DSG3: variants seen among roughly 807,000 people sequenced by gnomAD.
DSG3 encodes desmoglein 3.
DSG3 carries 63 observed loss-of-function variants against 85.9 expected under a neutral mutation model. The observed-to-expected ratio is 0.73, with a 90% confidence interval of 0.60 to 0.90. The LOEUF is 0.90. DSG3 is among the 40% of genes least tolerant of loss of function. DSG3 has a pLI of 0.00. For synonymous variants in DSG3, 447 were observed against 441.9 expected (o/e 1.01, Z -0.14); for missense variants, 1,220 against 1,219.9 (o/e 1.00, Z 0.00).
rs771845317 is a variant in DSG3, at chr18:31,466,577, G to T, written c.1459G>T (p.Asp487Tyr). Residue 487 changes from aspartate (D) to tyrosine (Y), a missense_variant, in exon 11 of 16, where the codon GAT becomes TAT. Coordinates refer to ENST00000257189, the MANE Select transcript of DSG3 (RefSeq NM_001944.3). ...AGGCACGGTATATGTTAGAGTACCC[G>T]ATTTCAATGACAATTGTCCAACAGC... ...STGTVYVRVPDFNDNCPTAVL... is the reference protein window; with the variant it reads ...STGTVYVRVPYFNDNCPTAVL... 1.2e-6 allele frequency: 2 copies of T among 1,614,078 alleles called. No homozygotes were observed. Among genetic ancestry groups the T allele is most frequent in the East Asian group, 4.5e-5 (2 of 44,894 alleles).
In DSG3 at chr18:31,472,393, G is replaced by A; in HGVS notation, c.2007G>A (p.Trp669Ter). 2 of 1,613,914 alleles carry A rather than the reference G, an allele frequency of 1.2e-6. No individual in the cohort carries two copies. The highest frequency in any genetic ancestry group is 8.5e-7 in the Non-Finnish European group (1 of 1,179,934). Residue 669 changes from tryptophan (W) to a stop codon, truncating the protein, a stop_gained, in exon 13 of 16, where the codon TGG (tryptophan) becomes TGA (stop). Coordinates refer to ENST00000257189, the MANE Select transcript of DSG3 (RefSeq NM_001944.3). LOFTEE classifies it high-confidence loss of function. ...PDGSEGTIHQWGIEGAHPEDK... is the reference protein window; with the variant it reads ...PDGSEGTIHQ ...GCTCAGAAGGAACAATTCATCAGTG[G>A]GGAATTGAAGGAGCCCATCCTGAAG...
chr18:31,459,818 T>A, intron 5 of DSG3, 27 bp from the exon 6 acceptor site: 1 of 1,579,520 alleles, frequency 6.3e-7, no homozygotes, highest in Non-Finnish European at 8.6e-7. Flanking sequence ...TACATATTCT[T>A]TAATAAACGT....
chr18:31,463,843 T>C (rs1260910312), intron 8 of DSG3, among the ~76,000 whole-genome samples: 1 of 152,170 alleles, frequency 6.6e-6, no homozygotes, highest in Non-Finnish European at 1.5e-5. Flanking sequence ...TTGGGGTTCT[T>C]TCCACTGCAC....
intron 8 of DSG3, among the ~76,000 whole-genome samples, chr18:31,462,854 A>G (rs2072794612): frequency 6.6e-6 from 1 of 152,088 alleles, no homozygotes; most frequent in Non-Finnish European, 1.5e-5. Flanking sequence ...TCTTAAAAAC[A>G]ATTTGGATCC....
In DSG3 at chr18:31,478,508, A is replaced by ATCTTTAGG. The variant is rs1274784447; in HGVS notation, c.*2249_*2256dup. 3 of 152,192 alleles carry ATCTTTAGG rather than the reference A, an allele frequency of 2.0e-5. No individual in the cohort carries two copies. Among genetic ancestry groups the ATCTTTAGG allele is most frequent in the African/African-American group, 7.2e-5 (3 of 41,436 alleles). The allele number at this position is 152,192 out of a possible 1,614,324, so 9.4% of individuals were successfully genotyped here. ...GTTTTTAAATTTCAAAAAAAAATCA[A>ATCTTTAGG]TCTTTAGGATGACTTAAAAATTGAT... On this transcript the variant is annotated 3_prime_UTR_variant, in exon 16 of 16. Coordinates refer to ENST00000257189, the MANE Select transcript of DSG3 (RefSeq NM_001944.3).
intron 15 of DSG3, among the ~76,000 whole-genome samples, chr18:31,474,605 G>A (rs1424808305): frequency 6.6e-6 from 1 of 152,034 alleles, no homozygotes; most frequent in Admixed American, 6.6e-5. Flanking sequence ...AAAGAAGAAT[G>A]GGAGCCAGGC....
intron 2 of DSG3, 88 bp from the exon 3 acceptor site, chr18:31,456,905 G>A: frequency 7.4e-7 from 1 of 1,344,096 alleles, no homozygotes; most frequent in Non-Finnish European, 1.0e-6. Flanking sequence ...GAAACATAGG[G>A]GGTTCCTCAA....
intron 1 of DSG3, among the ~76,000 whole-genome samples, chr18:31,449,755 A>G (rs1189771267): frequency 2.6e-5 from 4 of 152,166 alleles, no homozygotes; most frequent in Admixed American, 6.5e-5. Context: ...TTACATACAC[A>G]TGCTGTTTAA....
intron 1 of DSG3, among the ~76,000 whole-genome samples, chr18:31,448,993 T>C (rs1274513547): frequency 6.6e-6 from 1 of 152,172 alleles, no homozygotes; most frequent in Non-Finnish European, 1.5e-5. Context: ...CCTCTGGGGT[T>C]CAAGTGATTC....
Position 31,465,399 on chromosome 18 carries a change from C to A in DSG3, c.1353C>A (p.Asn451Lys). Residue 451 changes from asparagine (N) to lysine (K), a missense_variant, in exon 10 of 16, where the codon AAC (asparagine) becomes AAA (lysine). Physicochemically the swap from Asn to Lys is moderately conservative, Grantham distance 94. Transcript: ENST00000257189. Reference sequence around the variant, plus strand: ...AAATCAAATTTGTCAAAAATATGAACCGAGATTCTACTTTCATAGTTAACA... The same window carrying A: ...AAATCAAATTTGTCAAAAATATGAAACGAGATTCTACTTTCATAGTTAACA... ...TAEIKFVKNM[N>K]RDSTFIVNKT... 6.5e-7 allele frequency: 1 copy of A among 1,547,846 alleles called. No homozygotes were observed.
At chr18:31,469,053 G>A (rs750527857) in intron 11 of DSG3, 36 bp from the exon 12 acceptor site, 244 of 1,606,416 alleles carry the variant, frequency 1.5e-4, no homozygotes, top group Non-Finnish European at 1.9e-4. Flanking sequence ...AAGACACTTC[G>A]TCCTACTGTT....
At position 31,458,438 on chromosome 18, in the gene DSG3, G is replaced by C. The variant is rs777605747; in HGVS notation, c.217-7G>C. 1 of 1,612,952 alleles carries C rather than the reference G, an allele frequency of 6.2e-7. No homozygotes were observed. Among genetic ancestry groups the C allele is most frequent in the African/African-American group, 1.3e-5 (1 of 74,886 alleles). On this transcript the variant is annotated splice_region_variant and splice_polypyrimidine_tract_variant and intron_variant, in intron 3 of 15. Coordinates refer to ENST00000257189, the MANE Select transcript of DSG3 (RefSeq NM_001944.3). ...CACCTCAACGTTTTTGGTATTTGGG[G>C]CTGTAGATTACTTCAGATTACCAAG...
intron 1 of DSG3, 137 bp downstream of exon 1, chr18:31,448,062 G>A (rs1167434250): frequency 7.4e-6 from 4 of 543,130 alleles, no homozygotes; most frequent in African/African-American, 4.0e-5. Flanking sequence ...AAATGAAATC[G>A]TGAAGATTAC....
chr18:31,468,309 A>G (rs1355923970), intron 11 of DSG3, among the ~76,000 whole-genome samples: 1 of 152,234 alleles, frequency 6.6e-6, no homozygotes, highest in African/African-American at 2.4e-5. Flanking sequence ...AAGTCTTGAT[A>G]AGTAAAACAC....
chr18:31,475,618 A>T (rs1194266252), intron 15 of DSG3, 28 bp from the exon 16 acceptor site: 3 of 1,596,910 alleles, frequency 1.9e-6, no homozygotes, highest in Admixed American at 1.7e-5. Context: ...CTTAAAATTC[A>T]TTTTTTCCCA....
At chr18:31,452,823 T>C (rs1181812692) in intron 1 of DSG3, among the ~76,000 whole-genome samples, 1 of 152,208 alleles carries the variant, frequency 6.6e-6, no homozygotes, top group African/African-American at 2.4e-5. Flanking sequence ...CAGTATCCAA[T>C]TTTATATTAT....
chr18:31,466,545 C>G lies in DSG3; in HGVS notation c.1427C>G (p.Thr476Ser). The change falls in exon 11 of 16, where the codon ACT (threonine) becomes AGT (serine). Residue 476 changes from threonine to serine, a missense_variant. Transcript: ENST00000257189. ...GTTCTTACAGAATACACGGGTAAAA[C>G]TTCTACAGGCACGGTATATGTTAGA... Reference protein sequence around the residue: ...VLAIDEYTGKTSTGTVYVRVP... With the variant: ...VLAIDEYTGKSSTGTVYVRVP... The G allele has an allele frequency of 6.2e-7, 1 of 1,614,154 alleles. No homozygotes were observed. Among genetic ancestry groups the G allele is most frequent in the Non-Finnish European group, 8.5e-7 (1 of 1,179,994 alleles).
chr18:31,448,984 C>T (rs1203412469), intron 1 of DSG3, among the ~76,000 whole-genome samples: 2 of 152,140 alleles, frequency 1.3e-5, no homozygotes, highest in Non-Finnish European at 1.5e-5. Flanking sequence ...CAACTTCTGC[C>T]TCTGGGGTTC....
rs2072821822 is a variant in DSG3 at position 31,466,688 on chromosome 18, T to G, written c.1570T>G (p.Tyr524Asp). ...RTLNNRYTGP[Y>D]TFALEDQPVK... ...ACTGAATAATAGATACACTGGCCCCTATACATTTGCACTGGAAGATCAACC... is the reference window on the plus strand; with the variant it reads ...ACTGAATAATAGATACACTGGCCCCGATACATTTGCACTGGAAGATCAACC... Residue 524 changes from tyrosine to aspartate, a missense_variant, in exon 11 of 16, where the codon TAT (tyrosine) becomes GAT (aspartate). Tyr to Asp is a radical substitution (Grantham distance 160). Transcript: ENST00000257189. 6.2e-7 allele frequency: 1 copy of G among 1,614,232 alleles called. No individual in the cohort carries two copies. The highest frequency in any genetic ancestry group is 8.5e-7 in the Non-Finnish European group (1 of 1,180,040).
Sources: allele counts gnomAD v4.1 joint callset (sites outside exome capture counted in the v4.1 genomes callset), GRCh38; gene constraint gnomAD v4.1.1; transcripts MANE v1.5; gene names NCBI Gene and HGNC (gene_info 2026-07-23, HGNC 2026-07-21).